CAMK2D: variants seen among roughly 807,000 people sequenced by gnomAD.
CAMK2D encodes calcium/calmodulin dependent protein kinase II delta, also known as calcium/calmodulin-dependent protein kinase type II subunit delta.
In CAMK2D, 37 loss-of-function variants were observed where a neutral mutation model predicts 84.0. The observed-to-expected ratio is 0.44, with a 90% CI of 0.34 to 0.58. The LOEUF (loss-of-function observed/expected upper bound fraction) is 0.58. CAMK2D is among the 20% of genes least tolerant of loss of function. The pLI, the probability that CAMK2D is intolerant of heterozygous loss-of-function variation, is 0.02. For missense variants in CAMK2D, 448 were observed against 652.5 expected (o/e 0.69, Z 3.41); for synonymous variants, 202 against 212.5 (o/e 0.95, Z 0.43).
chr4:113,682,884 T>G (rs1178453409), intron 2 of CAMK2D, among the ~76,000 whole-genome samples: 6 of 152,186 alleles, frequency 3.9e-5, no homozygotes, highest in Non-Finnish European at 8.8e-5. Context: ...CATGGGGCCC[T>G]ATGACTATAA....
chr4:113,674,257 T>A (rs186419055), intron 2 of CAMK2D, among the ~76,000 whole-genome samples: 4 of 152,318 alleles, frequency 2.6e-5, no homozygotes, highest in African/African-American at 9.6e-5. Context: ...ATTGAATTTA[T>A]GATACATATG....
At chr4:113,631,803 A>G (rs2099090855) in intron 3 of CAMK2D, among the ~76,000 whole-genome samples, 1 of 152,194 alleles carries the variant, frequency 6.6e-6, no homozygotes, top group South Asian at 2.1e-4. Flanking sequence ...CAGAAAGTAG[A>G]TACACGTCAA....
chr4:113,528,433 G>T (rs572017799), intron 8 of CAMK2D, among the ~76,000 whole-genome samples: 3 of 152,038 alleles, frequency 2.0e-5, no homozygotes, highest in Non-Finnish European at 4.4e-5. Context: ...TCTTACCTAT[G>T]AAGTAGACAG....
intron 16 of CAMK2D, among the ~76,000 whole-genome samples, chr4:113,468,212 C>G (rs971028484): frequency 3.3e-5 from 5 of 152,112 alleles, no homozygotes; most frequent in African/African-American, 1.2e-4. Context: ...AATACGCATT[C>G]ACTCTTAAGT....
chr4:113,754,448 C>A, intron 2 of CAMK2D: 1 of 934,264 alleles, frequency 1.1e-6, no homozygotes. Context: ...TTAAAAAGAT[C>A]CATAAAAGGT....
chr4:113,744,279 C>T (rs372604293), intron 2 of CAMK2D, among the ~76,000 whole-genome samples: 19 of 152,270 alleles, frequency 1.2e-4, no homozygotes, highest in Admixed American at 9.8e-4. Flanking sequence ...TCTGAGCATA[C>T]GAAAACAAGT....
At chr4:113,503,975 C>T (rs2098092021) in intron 14 of CAMK2D, among the ~76,000 whole-genome samples, 1 of 151,102 alleles carries the variant, frequency 6.6e-6, no homozygotes. Context: ...AGACATATCT[C>T]CTGCTTCCAT....
chr4:113,529,951 C>A (rs981201357), intron 8 of CAMK2D, among the ~76,000 whole-genome samples: 1 of 152,156 alleles, frequency 6.6e-6, no homozygotes, highest in African/African-American at 2.4e-5. Flanking sequence ...ATTAGCATCA[C>A]CTGAGAGTTT....
chr4:113,626,778 T>A (rs2099069964), intron 3 of CAMK2D, among the ~76,000 whole-genome samples: 1 of 152,286 alleles, frequency 6.6e-6, no homozygotes, highest in South Asian at 2.1e-4. Context: ...TCCACCAGCA[T>A]CTAACTTTAA....
At chr4:113,491,750 G>A (rs1270574740) in intron 16 of CAMK2D, among the ~76,000 whole-genome samples, 1 of 151,960 alleles carries the variant, frequency 6.6e-6, no homozygotes, top group Non-Finnish European at 1.5e-5. Context: ...GGTAGAATTC[G>A]GCTGTGAATC....
At chr4:113,537,563 G>A in intron 6 of CAMK2D, 120 bp from the exon 7 acceptor site, 1 of 633,052 alleles carries the variant, frequency 1.6e-6, no homozygotes. Context: ...ATCTTTCCTG[G>A]AGACTGCCAT....
At chr4:113,622,487 G>A (rs1337256658) in intron 3 of CAMK2D, among the ~76,000 whole-genome samples, 1 of 152,128 alleles carries the variant, frequency 6.6e-6, no homozygotes, top group Non-Finnish European at 1.5e-5. Context: ...TAATATAGCT[G>A]GGCACAGTGG....
intron 13 of CAMK2D, among the ~76,000 whole-genome samples, chr4:113,509,386 G>A (rs1199542581): frequency 1.3e-5 from 2 of 152,086 alleles, no homozygotes; most frequent in African/African-American, 4.8e-5. Context: ...ATTTCTATAG[G>A]AACTCTATAT....
At chr4:113,725,494 CA>C (rs1324263584) in intron 2 of CAMK2D, among the ~76,000 whole-genome samples, 2 of 152,084 alleles carry the variant, frequency 1.3e-5, no homozygotes, top group Admixed American at 1.3e-4. Flanking sequence ...TATAAAGGAA[CA>C]AGTCCCTCTG....
At chr4:113,671,553 G>A (rs1041579841) in intron 2 of CAMK2D, among the ~76,000 whole-genome samples, 2 of 152,162 alleles carry the variant, frequency 1.3e-5, no homozygotes, top group South Asian at 2.1e-4. Context: ...TGTGTTGGGC[G>A]ACACTGGAGC....
chr4:113,525,980 G>A (rs1413537518), intron 8 of CAMK2D, among the ~76,000 whole-genome samples: 1 of 152,118 alleles, frequency 6.6e-6, no homozygotes, highest in South Asian at 2.1e-4. Flanking sequence ...ATGAGTTTAA[G>A]GGTACATCAC....
chr4:113,557,688 G>T (rs1360367528), intron 4 of CAMK2D, among the ~76,000 whole-genome samples: 1 of 152,002 alleles, frequency 6.6e-6, no homozygotes, highest in Non-Finnish European at 1.5e-5. Context: ...TTGATTTGAG[G>T]CTGGTTTACT....
chr4:113,663,490 G>C (rs1009651436), intron 2 of CAMK2D, among the ~76,000 whole-genome samples: 1 of 152,054 alleles, frequency 6.6e-6, no homozygotes, highest in Non-Finnish European at 1.5e-5. Context: ...TCAGGAGGCT[G>C]AGGCAGAAGA....
chr4:113,477,377 T>C (rs2097642126), intron 16 of CAMK2D, among the ~76,000 whole-genome samples: 1 of 152,246 alleles, frequency 6.6e-6, no homozygotes, highest in Middle Eastern at 3.2e-3. Context: ...TGGTACTGTA[T>C]AATCAGTTTA....
Sources: allele counts gnomAD v4.1 joint callset (sites outside exome capture counted in the v4.1 genomes callset), GRCh38; gene constraint gnomAD v4.1.1; transcripts MANE v1.5; gene names NCBI Gene and HGNC (gene_info 2026-07-23, HGNC 2026-07-21).